Variants in RBM6 observed in about 807,000 individuals in gnomAD.
The protein encoded by RBM6 is RNA binding motif protein 6.
Under a neutral mutation model 140.4 loss-of-function variants are expected in RBM6, and 23 were observed. The ratio of observed to expected loss-of-function variants is 0.16; its 90% confidence interval spans 0.12 to 0.23. RBM6 has a LOEUF of 0.23. Among genes scored for constraint, RBM6 ranks in the 10% least tolerant of loss-of-function variants. RBM6 has a pLI of 1.00. For missense variants in RBM6, 1,139 were observed against 1,386.7 expected (o/e 0.82, Z 2.84); for synonymous variants, 439 against 475.6 (o/e 0.92, Z 1.00).
intron 8 of RBM6, among the ~76,000 whole-genome samples, chr3:50,055,043 C>T (rs1026075207): frequency 2.0e-5 from 3 of 152,152 alleles, no homozygotes; most frequent in Non-Finnish European, 2.9e-5. Context: ...AGGATGGTCT[C>T]GATCTCCTGA....
intron 19 of RBM6, among the ~76,000 whole-genome samples, chr3:50,074,109 G>A (rs932370260): frequency 2.0e-5 from 3 of 151,996 alleles, no homozygotes; most frequent in Non-Finnish European, 4.4e-5. Context: ...GATTACAGGC[G>A]TGAGTCACTG....
chr3:50,007,841 C>G (rs2086659565), intron 6 of RBM6, among the ~76,000 whole-genome samples: 1 of 152,152 alleles, frequency 6.6e-6, no homozygotes, highest in African/African-American at 2.4e-5. Context: ...CCATAAGAAT[C>G]TTAAATTTTC....
chr3:50,058,758 A>G (rs867078034), intron 10 of RBM6, 196 bp downstream of exon 10: 1 of 413,240 alleles, frequency 2.4e-6, no homozygotes. Context: ...ACTAAAAAAT[A>G]CAGAAAAATT....
At chr3:49,981,101 C>T (rs894873656) in intron 5 of RBM6, among the ~76,000 whole-genome samples, 1 of 151,958 alleles carries the variant, frequency 6.6e-6, no homozygotes, top group African/African-American at 2.4e-5. Flanking sequence ...GACGGGGTTT[C>T]ACCATGTTGG....
At chr3:50,054,813 C>A (rs976088273) in intron 8 of RBM6, among the ~76,000 whole-genome samples, 2 of 151,922 alleles carry the variant, frequency 1.3e-5, no homozygotes, top group South Asian at 4.2e-4. Context: ...CTGCACAAGG[C>A]CTGCAAACCT....
intron 6 of RBM6, among the ~76,000 whole-genome samples, chr3:50,015,631 A>C (rs1160200226): frequency 6.6e-6 from 1 of 150,910 alleles, no homozygotes; most frequent in Non-Finnish European, 1.5e-5. Flanking sequence ...GCGGGGTTTC[A>C]CCATGTTAGC....
Position 50,061,560 on chromosome 3 carries a change from CTTTTTTTTTT to C in RBM6, c.2439+28_2439+37del, listed in dbSNP as rs10663019. 4.8e-5 allele frequency: 61 copies of C among 1,270,264 alleles called. No homozygotes were observed. Among genetic ancestry groups the C allele is most frequent in the Non-Finnish European group, 5.7e-5 (58 of 1,022,186 alleles). The allele number at this position is 1,270,264 out of a possible 1,614,324, so 78.7% of individuals were successfully genotyped here. A position where few individuals can be genotyped will look rare whatever the true frequency, so the allele number is the denominator to read the frequency against. ...CCCCAATACCCAGGTGAGTTTGGGG[CTTTTTTTTTT>C]TTTTTTTTTTTTTTACCTCTGTCAA... On this transcript the variant is annotated intron_variant, in intron 14 of 20. Transcript: ENST00000266022.
intron 6 of RBM6, among the ~76,000 whole-genome samples, chr3:50,028,181 C>T (rs1015735508): frequency 1.3e-5 from 2 of 152,026 alleles, no homozygotes; most frequent in African/African-American, 4.8e-5. Context: ...AGTTGAATAG[C>T]AGTCTTCTTC....
At chr3:49,940,604 C>T (rs1432582691) in intron 1 of RBM6, 1 of 155,568 alleles carries the variant, frequency 6.4e-6, no homozygotes, top group Non-Finnish European at 1.5e-5. Context: ...TGTGGCATCA[C>T]TAGGAAGGGA....
Position 50,048,237 on chromosome 3 carries a change from C to G in RBM6, c.1558-8C>G. ...TGATGTTGATGGCTTCTGTCTTTGT[C>G]TTTACAGGGAACTCTAATGATCCAG... On this transcript the variant is annotated splice_region_variant and splice_polypyrimidine_tract_variant and intron_variant, in intron 6 of 20. Transcript: ENST00000266022. 1 of 1,612,190 alleles carries G rather than the reference C, an allele frequency of 6.2e-7. No individual in the cohort carries two copies. The highest frequency in any genetic ancestry group is 8.5e-7 in the Non-Finnish European group (1 of 1,179,236).
At chr3:50,059,855 G>T in intron 11 of RBM6, 109 bp downstream of exon 11, 1 of 780,844 alleles carries the variant, frequency 1.3e-6, no homozygotes. Context: ...TCCTAACATG[G>T]ACTGCTTCAG....
chr3:50,075,190 T>G lies in RBM6; in HGVS notation c.3117-11T>G. ...AAAAAAAGGAAGTGATGGTGTCTGCTTCTTTTGCAGTGATCGTAAACTTGT... is the reference window on the plus strand; with the variant it reads ...AAAAAAAGGAAGTGATGGTGTCTGCGTCTTTTGCAGTGATCGTAAACTTGT... On this transcript the variant is annotated splice_polypyrimidine_tract_variant and intron_variant, in intron 19 of 20. Coordinates refer to ENST00000266022, the MANE Select transcript of RBM6 (RefSeq NM_005777.3). 1 of 1,606,230 alleles carries G rather than the reference T, an allele frequency of 6.2e-7. No individual in the cohort carries two copies. Among genetic ancestry groups the G allele is most frequent in the South Asian group, 1.1e-5 (1 of 88,664 alleles).
At chr3:50,073,626 A>G (rs982921531) in intron 19 of RBM6, among the ~76,000 whole-genome samples, 8 of 151,744 alleles carry the variant, frequency 5.3e-5, no homozygotes, top group Admixed American at 3.3e-4. Flanking sequence ...CTGGACTCCT[A>G]CTCCCAGTCT....
intron 4 of RBM6, among the ~76,000 whole-genome samples, chr3:49,974,006 T>C (rs2084935133): frequency 6.6e-6 from 1 of 152,098 alleles, no homozygotes; most frequent in Admixed American, 6.6e-5. Flanking sequence ...CAAATGGTTC[T>C]CCTGCCTCAG....
At chr3:49,959,631 T>C (rs2624844) in intron 1 of RBM6, among the ~76,000 whole-genome samples, 68,051 of 142,072 alleles carry the variant, frequency 0.48, 16,805 homozygotes, top group African/African-American at 0.53. Context: ...AGTGCAGTGG[T>C]GTGACCTCGG....
intron 5 of RBM6, among the ~76,000 whole-genome samples, chr3:49,976,378 A>G (rs915980553): frequency 2.0e-5 from 3 of 152,206 alleles, no homozygotes; most frequent in African/African-American, 7.2e-5. Flanking sequence ...TTCAGAAATA[A>G]TTTGTTCTGT....
At chr3:50,019,041 A>T (rs1043333316) in intron 6 of RBM6, among the ~76,000 whole-genome samples, 83 of 143,190 alleles carry the variant, frequency 5.8e-4, no homozygotes, top group East Asian at 1.5e-3. Context: ...TTATTTATTT[A>T]TTTTTTTTTT....
At chr3:49,970,333 G>T (rs1195776796) in intron 3 of RBM6, among the ~76,000 whole-genome samples, 1 of 152,132 alleles carries the variant, frequency 6.6e-6, no homozygotes, top group Non-Finnish European at 1.5e-5. Flanking sequence ...CCCCACCTTA[G>T]CTTCCCAAAG....
intron 5 of RBM6, among the ~76,000 whole-genome samples, chr3:49,984,572 C>A (rs1200072803): frequency 6.6e-6 from 1 of 152,092 alleles, no homozygotes; most frequent in Non-Finnish European, 1.5e-5. Context: ...CAGAGTGAGA[C>A]CCTGTCTAAC....
Sources: allele counts gnomAD v4.1 joint callset (sites outside exome capture counted in the v4.1 genomes callset), GRCh38; gene constraint gnomAD v4.1.1; transcripts MANE v1.5; gene names NCBI Gene and HGNC (gene_info 2026-07-23, HGNC 2026-07-21).